The following FUBP3 variants were observed in gnomAD, a reference collection of about 807,000 sequenced individuals.
FUBP3 encodes far upstream element binding protein 3.
Under a neutral mutation model 85.6 loss-of-function variants are expected in FUBP3, and 28 were observed. That is an observed-to-expected ratio of 0.33 (90% CI 0.24 to 0.45). The LOEUF (loss-of-function observed/expected upper bound fraction) is 0.45, where lower values mean the gene tolerates loss of function less well. FUBP3 is among the 20% of genes least tolerant of loss of function. The pLI is 1.00. For missense variants in FUBP3, 583 were observed against 755.1 expected, an observed-to-expected ratio of 0.77 and a Z score of 2.67; for synonymous variants, 271 against 271.4, an observed-to-expected ratio of 1.00 and a Z score of 0.01.
chr9:130,591,622 C>G (rs1294476434), intron 1 of FUBP3, among the ~76,000 whole-genome samples: 1 of 152,084 alleles, frequency 6.6e-6, no homozygotes, highest in Non-Finnish European at 1.5e-5. Flanking sequence ...TGAACTCATA[C>G]CCAGCATTTG....
intron 1 of FUBP3, among the ~76,000 whole-genome samples, chr9:130,594,209 G>C (rs1830752192): frequency 6.6e-6 from 1 of 152,148 alleles, no homozygotes; most frequent in African/African-American, 2.4e-5. Context: ...CACTTTGCGA[G>C]ACTGAGGCAG....
In FUBP3 at chr9:130,637,005, C is replaced by T. The variant is rs182774777; in HGVS notation, c.1711-9C>T. ...TCACAGACTAATTCCTCTTCCCTTC[C>T]GCCCACAGGAGCAGTAGGACAGCGT... On this transcript the variant is annotated splice_polypyrimidine_tract_variant and intron_variant, in intron 18 of 18. Coordinates refer to ENST00000319725, the MANE Select transcript of FUBP3 (RefSeq NM_003934.2). The T allele has an allele frequency of 9.1e-4, 1,469 of 1,612,136 alleles. 2 individuals carry two copies. Among genetic ancestry groups the T allele is most frequent in the Middle Eastern group, 2.8e-3 (17 of 6,058 alleles).
Position 130,589,702 on chromosome 9 carries a change from TATA to T in FUBP3, c.85-5780_85-5778del, listed in dbSNP as rs1187156708. On this transcript the variant is annotated intron_variant, in intron 1 of 18. Coordinates refer to ENST00000319725, the MANE Select transcript of FUBP3 (RefSeq NM_003934.2). ...ATATATATATATATATATATATATA[TATA>T]TTTTTTTTTTTTTTTTTTTTTTTAA... 6.0e-3 allele frequency among the ~76,000 whole-genome samples: 188 copies of T among 31,586 alleles called. 2 individuals are homozygous for T. Among genetic ancestry groups the T allele is most frequent in the East Asian group, 0.015 (12 of 814 alleles). The allele number at this position is 31,586 out of a possible 152,430, so 20.7% of individuals were successfully genotyped here. A position where few individuals can be genotyped will look rare whatever the true frequency, so the allele number is the denominator to read the frequency against.
intron 2 of FUBP3, 29 bp from the exon 3 acceptor site, chr9:130,609,924 AT>A (rs370837573): frequency 3.9e-4 from 581 of 1,504,596 alleles, no homozygotes; most frequent in Non-Finnish European, 4.3e-4. Context: ...TAATGCTTTG[AT>A]TTTTTTTTTC....
At position 130,612,474 on chromosome 9, in the gene FUBP3, A is replaced by T. The variant is rs1831796625; in HGVS notation, c.243A>T (p.Glu81Asp). Residue 81 changes from glutamate (E) to aspartate (D), a missense_variant, in exon 4 of 19, where the codon GAA becomes GAT. By Grantham distance (45) the Glu-to-Asp change is conservative. Around this residue, in one of 3 missense-constraint regions of FUBP3, gnomAD observed 177 missense variants for 221.9 expected, o/e 0.80. Coordinates refer to ENST00000319725, the MANE Select transcript of FUBP3 (RefSeq NM_003934.2). This position sits in a 1 kb window ranked among gnomAD's most constrained non-coding sequence, Gnocchi z 4.1. ...TTTTTAGGACGGTAATAACGGAAGAATTCAAAGTGCCTGACAAAATGGTTG... is the reference window on the plus strand; with the variant it reads ...TTTTTAGGACGGTAATAACGGAAGATTTCAAAGTGCCTGACAAAATGGTTG... Reference protein sequence around the residue: ...LVHQRTVITEEFKVPDKMVGF... With the variant: ...LVHQRTVITEDFKVPDKMVGF... 6.3e-7 allele frequency: 1 copy of T among 1,598,472 alleles called. No individual in the cohort carries two copies. Among genetic ancestry groups the T allele is most frequent in the Non-Finnish European group, 8.6e-7 (1 of 1,166,660 alleles).
intron 1 of FUBP3, among the ~76,000 whole-genome samples, chr9:130,582,462 AAG>A (rs1554731549): frequency 1.8e-5 from 2 of 109,734 alleles, no homozygotes; most frequent in East Asian, 5.5e-4. Context: ...AAAAAAAAAA[AAG>A]AAAAAGAAAA....
intron 2 of FUBP3, among the ~76,000 whole-genome samples, chr9:130,598,245 G>A (rs77937559): frequency 0.039 from 5,934 of 152,294 alleles, 131 homozygotes; most frequent in Non-Finnish European, 0.053. Context: ...CAAAATGCTA[G>A]AGGGTTTCAT....
chr9:130,583,072 G>A (rs978400426), intron 1 of FUBP3, among the ~76,000 whole-genome samples: 3 of 152,164 alleles, frequency 2.0e-5, no homozygotes, highest in African/African-American at 2.4e-5. Flanking sequence ...GAGTTCGTTC[G>A]GCATCACGGT....
rs1832019674 is a variant in FUBP3, at chr9:130,616,573, C to T, written c.567+56C>T. 1 of 1,549,912 alleles carries T rather than the reference C, an allele frequency of 6.5e-7. No homozygotes were observed. The highest frequency in any genetic ancestry group is 1.7e-5 in the Admixed American group (1 of 59,636). ...GCCGCTCGCAGCAGGTCTTCAGCTT[C>T]CTGGCCCAGGAGATCTGCTTACGGC... On this transcript the variant is annotated intron_variant, in intron 7 of 18. Coordinates refer to ENST00000319725, the MANE Select transcript of FUBP3 (RefSeq NM_003934.2). The surrounding 1 kb of genome is among the most constrained non-coding windows in gnomAD (Gnocchi z 4.7).
chr9:130,580,907 G>A (rs1029403118), intron 1 of FUBP3: 3 of 152,192 alleles, frequency 2.0e-5, no homozygotes, highest in African/African-American at 4.8e-5. Context: ...AACCAGTACA[G>A]TAGTGAGTAT....
intron 11 of FUBP3, among the ~76,000 whole-genome samples, chr9:130,624,296 C>T (rs1480525099): frequency 1.3e-5 from 2 of 152,252 alleles, no homozygotes; most frequent in African/African-American, 4.8e-5. Flanking sequence ...ACCTCTGGGT[C>T]TGGTGTTCCC....
chr9:130,604,771 G>A (rs1035239590), intron 2 of FUBP3, among the ~76,000 whole-genome samples: 3 of 152,042 alleles, frequency 2.0e-5, no homozygotes, highest in East Asian at 1.9e-4. Context: ...GGTGGTGCGC[G>A]CCTTTAGTCC....
chr9:130,625,603 G>A (rs528705321), intron 11 of FUBP3, among the ~76,000 whole-genome samples: 1 of 152,310 alleles, frequency 6.6e-6, no homozygotes, highest in Admixed American at 6.5e-5. Context: ...ATGACTCCGC[G>A]GACAGCGGCT....
chr9:130,616,601 G>C lies in FUBP3; in HGVS notation c.567+84G>C, dbSNP rs142898026. The stretch of plus-strand genomic sequence containing the variant: ...GGCCCAGGAGATCTGCTTACGGCTG[G>C]CATTCCCTGGCTGGGCTGGCTTTGT... On this transcript the variant is annotated intron_variant, in intron 7 of 18. Coordinates refer to ENST00000319725, the MANE Select transcript of FUBP3 (RefSeq NM_003934.2). This position sits in a 1 kb window ranked among gnomAD's most constrained non-coding sequence, Gnocchi z 4.7. 1,762 of 1,301,552 alleles carry C rather than the reference G, an allele frequency of 1.4e-3. 33 individuals are homozygous for C. In the African/African-American group the frequency reaches 0.022, roughly 16 times the overall value. 80.6% of individuals were successfully genotyped at this position (1,301,552 alleles called of 1,614,324 possible).
rs575947868 is a variant in FUBP3, at chr9:130,633,550, C to T, written c.1511-1117C>T. 1.6e-4 allele frequency among the ~76,000 whole-genome samples: 25 copies of T among 152,332 alleles called. 1 individual carries two copies. Among genetic ancestry groups the T allele is most frequent in the East Asian group, 3.9e-4 (2 of 5,186 alleles). ...AGGAAGGGAGAGTGCAGGAGGCACC[C>T]GGTGGTCTTGCCGCCATTGGGCAGC... On this transcript the variant is annotated intron_variant, in intron 16 of 18. Transcript: ENST00000319725.
At chr9:130,594,513 G>T (rs1446619780) in intron 1 of FUBP3, among the ~76,000 whole-genome samples, 2 of 152,032 alleles carry the variant, frequency 1.3e-5, no homozygotes, top group African/African-American at 4.8e-5. Context: ...AACCCAGGAG[G>T]CAGAGGTTAC....
chr9:130,631,889 C>T lies in FUBP3; in HGVS notation c.1353-53C>T, dbSNP rs186894831. The T allele has an allele frequency of 2.6e-4, 341 of 1,324,344 alleles. 3 individuals carry two copies. In the East Asian group the frequency reaches 6.9e-3, roughly 27 times the overall value. The allele number at this position is 1,324,344 out of a possible 1,614,324, so 82.0% of individuals were successfully genotyped here. ...GTGCCCTGGGGCTGCGGGGAGGGGA[C>T]GAGCCCTCTGTTGTGAGGCGCTCAG... is the stretch of plus-strand genomic sequence containing the variant. On this transcript the variant is annotated intron_variant, in intron 14 of 18. Coordinates refer to ENST00000319725, the MANE Select transcript of FUBP3 (RefSeq NM_003934.2).
At chr9:130,621,485 C>T (rs1029273977) in intron 9 of FUBP3, among the ~76,000 whole-genome samples, 1 of 152,152 alleles carries the variant, frequency 6.6e-6, no homozygotes, top group African/African-American at 2.4e-5. Flanking sequence ...AAGTCCAGCC[C>T]AGGTAACAGT....
intron 18 of FUBP3, 155 bp downstream of exon 18, chr9:130,636,281 C>G: frequency 1.3e-5 from 10 of 773,102 alleles, no homozygotes; most frequent in South Asian, 4.4e-5. Flanking sequence ...GCTGAGAGCC[C>G]GGCTCCAGCC....
Sources: allele counts gnomAD v4.1 joint callset (sites outside exome capture counted in the v4.1 genomes callset), GRCh38; gene constraint gnomAD v4.1.1; regional missense constraint gnomAD v4.1.1; non-coding constraint Gnocchi (gnomAD v3.1); transcripts MANE v1.5; gene names NCBI Gene and HGNC (gene_info 2026-07-23, HGNC 2026-07-21).